SWT1: variants seen among roughly 807,000 people sequenced by gnomAD.
SWT1 encodes the protein transcriptional protein SWT1.
SWT1 carries 33 observed loss-of-function variants against 107.3 expected under a neutral mutation model. The observed-to-expected ratio is 0.31, with a 90% CI of 0.23 to 0.41. SWT1 has a LOEUF of 0.41. Among genes scored for constraint, SWT1 ranks in the 10% least tolerant of loss-of-function variants. SWT1 has a pLI of 1.00. For synonymous variants in SWT1, 345 were observed against 348.3 expected (o/e 0.99, Z 0.11); for missense variants, 898 against 1,028.9 (o/e 0.87, Z 1.74).
At chr1:185,189,753 T>C (rs1656786903) in intron 9 of SWT1, among the ~76,000 whole-genome samples, 1 of 151,702 alleles carries the variant, frequency 6.6e-6, no homozygotes, top group African/African-American at 2.4e-5. Context: ...AAAAATTATT[T>C]TCTTGTCTTT....
At position 185,180,459 on chromosome 1, in the gene SWT1, T is replaced by A. The variant is rs1326946389; in HGVS notation, c.1026+9T>A. 1 of 1,595,814 alleles carries A rather than the reference T, an allele frequency of 6.3e-7. No individual in the cohort carries two copies. The highest frequency in any genetic ancestry group is 8.6e-7 in the Non-Finnish European group (1 of 1,163,514). ...AGGATGCAGATCAAGAGGTTATTGA[T>A]ATTCTTGTTTACTTTGATATTTTTA... On this transcript the variant is annotated intron_variant, in intron 6 of 18. Transcript: ENST00000367500.
chr1:185,195,732 A>G (rs925589106), intron 10 of SWT1, among the ~76,000 whole-genome samples: 3 of 152,184 alleles, frequency 2.0e-5, no homozygotes, highest in Non-Finnish European at 2.9e-5. Context: ...TTTGATTTGC[A>G]TTTCTCTAAT....
Position 185,174,721 on chromosome 1 carries a change from A to G in SWT1, c.574A>G (p.Ser192Gly), listed in dbSNP as rs1418118057. Residue 192 changes from serine (S) to glycine (G), a missense_variant, in exon 5 of 19, where the codon AGT (serine) becomes GGT (glycine). Around this residue, in one of 6 missense-constraint regions of SWT1, gnomAD observed 382 missense variants for 362.4 expected, o/e 1.05. Transcript: ENST00000367500. ...GAAAGAACTCAAGAAAGGAAGAAAC[A>G]GTAAATTTAGAGACAATTCTGAAAA... ...KMKELKKGRN[S>G]KFRDNSEKCV... The G allele has an allele frequency of 1.9e-6, 3 of 1,612,860 alleles. No individual in the cohort carries two copies. The highest frequency in any genetic ancestry group is 1.1e-5 in the South Asian group (1 of 90,606).
chr1:185,198,081 A>G (rs1048992774), intron 10 of SWT1, among the ~76,000 whole-genome samples: 4 of 152,172 alleles, frequency 2.6e-5, no homozygotes, highest in African/African-American at 9.7e-5. Context: ...TTTTAGTGCT[A>G]TAAATTTCCC....
intron 2 of SWT1, among the ~76,000 whole-genome samples, chr1:185,165,483 C>T (rs1654492023): frequency 6.6e-6 from 1 of 152,164 alleles, no homozygotes; most frequent in Non-Finnish European, 1.5e-5. Context: ...CTGCTATGTC[C>T]ATGATCCAAG....
chr1:185,166,362 A>C (rs962480898), intron 2 of SWT1, among the ~76,000 whole-genome samples: 1 of 152,028 alleles, frequency 6.6e-6, no homozygotes, highest in African/African-American at 2.4e-5. Context: ...ATCCCACCTC[A>C]TCTCTATTTT....
chr1:185,268,519 G>A (rs1038444757), intron 16 of SWT1, among the ~76,000 whole-genome samples: 1 of 152,076 alleles, frequency 6.6e-6, no homozygotes, highest in African/African-American at 2.4e-5. Flanking sequence ...ACTCTGGATC[G>A]TTCACCATTG....
At chr1:185,277,392 G>A (rs541664532) in intron 18 of SWT1, among the ~76,000 whole-genome samples, 3 of 152,074 alleles carry the variant, frequency 2.0e-5, no homozygotes, top group East Asian at 1.9e-4. Context: ...AGGTTCAAGC[G>A]ATTCTCCTGC....
chr1:185,256,772 T>C (rs895695807), intron 16 of SWT1, among the ~76,000 whole-genome samples: 3 of 152,166 alleles, frequency 2.0e-5, no homozygotes, highest in Non-Finnish European at 2.9e-5. Flanking sequence ...AAGCGTTCTT[T>C]TCTCAGCTCG....
intron 16 of SWT1, among the ~76,000 whole-genome samples, chr1:185,259,357 TAGAG>T (rs1285784082): frequency 2.0e-5 from 3 of 152,226 alleles, no homozygotes; most frequent in Non-Finnish European, 2.9e-5. Flanking sequence ...CAGGAATAAA[TAGAG>T]AGGAAGAAAC....
chr1:185,272,739 C>A (rs1373470114), intron 17 of SWT1, among the ~76,000 whole-genome samples: 1 of 152,070 alleles, frequency 6.6e-6, no homozygotes, highest in Admixed American at 6.5e-5. Context: ...GTACCAGGCA[C>A]AGAGAACTAG....
intron 18 of SWT1, among the ~76,000 whole-genome samples, chr1:185,282,376 TA>T (rs375386754): frequency 0.045 from 6,450 of 144,304 alleles, 418 homozygotes; most frequent in African/African-American, 0.15. Flanking sequence ...ATGGTTTGGT[TA>T]AAAAAAAAAA....
intron 15 of SWT1, among the ~76,000 whole-genome samples, chr1:185,230,863 T>A (rs1278546534): frequency 1.3e-5 from 2 of 152,092 alleles, no homozygotes; most frequent in Non-Finnish European, 2.9e-5. Flanking sequence ...TCCTCCCACC[T>A]TAGCCTCCCA....
At chr1:185,214,342 C>A (rs773831606) in intron 13 of SWT1, among the ~76,000 whole-genome samples, 165 bp from the exon 14 acceptor site, 1 of 152,130 alleles carries the variant, frequency 6.6e-6, no homozygotes, top group Non-Finnish European at 1.5e-5. Flanking sequence ...ATAACTAAAT[C>A]TATTTAATTA....
At chr1:185,183,693 G>A (rs1442201830) in intron 7 of SWT1, among the ~76,000 whole-genome samples, 1 of 152,136 alleles carries the variant, frequency 6.6e-6, no homozygotes, top group Non-Finnish European at 1.5e-5. Context: ...ACAGAAGTTA[G>A]AAACATAATT....
intron 15 of SWT1, among the ~76,000 whole-genome samples, chr1:185,230,064 G>A (rs1326718696): frequency 1.3e-5 from 2 of 152,182 alleles, no homozygotes; most frequent in Non-Finnish European, 2.9e-5. Flanking sequence ...ATATGCTTCA[G>A]AATGTTCAAA....
chr1:185,221,988 A>T lies in SWT1; in HGVS notation c.2261A>T (p.Glu754Val), dbSNP rs1659692760. 3 of 1,611,966 alleles carry T rather than the reference A, an allele frequency of 1.9e-6. No individual in the cohort carries two copies. Among genetic ancestry groups the T allele is most frequent in the Non-Finnish European group, 1.7e-6 (2 of 1,179,286 alleles). The change falls in exon 15 of 19, where the codon GAA (glutamate) becomes GTA (valine). Residue 754 changes from glutamate to valine, a missense_variant. Glu to Val is a moderately radical substitution (Grantham distance 121). This residue lies in a region of SWT1 where 382 missense variants were observed against 460.0 expected (regional missense o/e 0.83). Coordinates refer to ENST00000367500, the MANE Select transcript of SWT1 (RefSeq NM_017673.7). ...SHLPQPSRHQ[E>V]IWSILESVWI... ...CTTCCCCAACCCAGCAGGCATCAAG[A>T]AATCTGGTCTATCCTAGAGAGTGTT...
intron 18 of SWT1, chr1:185,281,615 C>T (rs1664625599): frequency 5.0e-6 from 1 of 198,774 alleles, no homozygotes; most frequent in South Asian, 9.2e-5. Flanking sequence ...GAAGACCGAC[C>T]ACCAAATGGA....
At chr1:185,278,877 A>G (rs1571699466) in intron 18 of SWT1, among the ~76,000 whole-genome samples, 1 of 152,348 alleles carries the variant, frequency 6.6e-6, no homozygotes, top group East Asian at 1.9e-4. Context: ...TGGCTACAAA[A>G]TATTATGAAC....
Sources: gnomAD v4.1 joint callset for allele counts (sites outside exome capture counted in the v4.1 genomes callset) on GRCh38, gnomAD v4.1.1 for gene constraint, gnomAD v4.1.1 regional missense constraint, MANE v1.5 for transcripts, NCBI Gene and HGNC (gene_info 2026-07-23, HGNC 2026-07-21) for gene names.